The following TRPC5 variants were observed in gnomAD, a reference collection of about 807,000 sequenced individuals.
TRPC5 encodes short transient receptor potential channel 5.
In TRPC5, 9 loss-of-function variants were observed where a neutral mutation model predicts 56.5. The ratio of observed to expected loss-of-function variants is 0.16; its 90% confidence interval spans 0.10 to 0.28. TRPC5 has a LOEUF of 0.28. Among genes scored for constraint, TRPC5 ranks in the 10% least tolerant of loss-of-function variants. The pLI is 1.00. For missense variants in TRPC5, 469 were observed against 748.9 expected (o/e 0.63, Z 4.36); for synonymous variants, 282 against 278.5 (o/e 1.01, Z -0.13).
At chrX:111,991,539 G>C (rs1367955860) in intron 1 of TRPC5, among the ~76,000 whole-genome samples, 2 of 111,783 alleles carry the variant, frequency 1.8e-5, no homozygotes, top group African/African-American at 3.3e-5. Flanking sequence ...CTCCCACTTA[G>C]AGTGAAAATG....
chrX:111,937,958 T>C (rs1365424177), intron 2 of TRPC5, among the ~76,000 whole-genome samples: 4,450 of 89,179 alleles, frequency 0.05, 102 homozygotes, highest in Non-Finnish European at 0.056. Flanking sequence ...TTTCACGATA[T>C]TGATTCTTCC....
chrX:112,003,859 G>C (rs183453842), intron 1 of TRPC5, among the ~76,000 whole-genome samples: 14 of 111,721 alleles, frequency 1.3e-4, no homozygotes, highest in African/African-American at 4.6e-4. Context: ...TGCAAAAATG[G>C]AGGGTTTCCC....
chrX:111,858,338 A>G (rs781042734), intron 3 of TRPC5, among the ~76,000 whole-genome samples: 36 of 111,372 alleles, frequency 3.2e-4, no homozygotes, highest in African/African-American at 1.2e-3. Flanking sequence ...AACTGTCCAG[A>G]GCCTGGAGCA....
intron 1 of TRPC5, among the ~76,000 whole-genome samples, chrX:112,020,193 A>G (rs1929236950): frequency 8.9e-6 from 1 of 111,816 alleles, no homozygotes; most frequent in Admixed American, 9.5e-5. Flanking sequence ...ATGCCCAGCA[A>G]TGCTAGTTGT....
chrX:112,006,042 T>C (rs191509005), intron 1 of TRPC5, among the ~76,000 whole-genome samples: 415 of 111,558 alleles, frequency 3.7e-3, no homozygotes, highest in Middle Eastern at 0.023. Context: ...TGAAACCCAG[T>C]TGGCAAATGT....
chrX:111,965,602 A>G (rs1180682427), intron 1 of TRPC5, among the ~76,000 whole-genome samples: 1 of 112,093 alleles, frequency 8.9e-6, no homozygotes, highest in East Asian at 2.8e-4. Flanking sequence ...AATGTAAAAG[A>G]ATAGAAATTA....
At chrX:111,854,228 G>T in intron 3 of TRPC5, 122 bp from the exon 4 acceptor site, 1 of 723,815 alleles carries the variant, frequency 1.4e-6, no homozygotes, top group Non-Finnish European at 2.0e-6. Context: ...CCCCAGAAGA[G>T]GCCTGTTTTC....
At chrX:111,784,259 C>T (rs1945942689) in intron 7 of TRPC5, among the ~76,000 whole-genome samples, 1 of 111,973 alleles carries the variant, frequency 8.9e-6, no homozygotes, top group Admixed American at 9.5e-5. Flanking sequence ...TTAGATATGA[C>T]ACCAGAAACC....
intron 7 of TRPC5, among the ~76,000 whole-genome samples, chrX:111,806,620 C>A (rs776163690): frequency 1.8e-5 from 2 of 111,792 alleles, no homozygotes; most frequent in South Asian, 7.5e-4. Context: ...TTGCCATATT[C>A]TTTTTCTTCT....
intron 3 of TRPC5, among the ~76,000 whole-genome samples, chrX:111,858,787 C>G (rs761098867): frequency 7.1e-4 from 80 of 111,975 alleles, no homozygotes; most frequent in African/African-American, 2.1e-3. Flanking sequence ...CCCTGCCTTC[C>G]TCTGTGCCCC....
chrX:112,055,301 G>T (rs1289608427), intron 1 of TRPC5, among the ~76,000 whole-genome samples: 1 of 111,927 alleles, frequency 8.9e-6, no homozygotes, highest in Non-Finnish European at 1.9e-5. Context: ...TGAGCTCTTT[G>T]TTAGCCACAT....
intron 3 of TRPC5, among the ~76,000 whole-genome samples, chrX:111,888,446 G>C (rs375708559): frequency 2.9e-5 from 3 of 105,110 alleles, no homozygotes; most frequent in African/African-American, 1.0e-4. Context: ...AGGCCGAGGC[G>C]GGCGGATCAC....
intron 7 of TRPC5, among the ~76,000 whole-genome samples, chrX:111,786,257 T>C (rs965659139): frequency 9.0e-6 from 1 of 111,440 alleles, no homozygotes; most frequent in Non-Finnish European, 1.9e-5. Flanking sequence ...TGGGGGCCAA[T>C]ATTCAACATT....
At chrX:111,863,661 T>G (rs1378782887) in intron 3 of TRPC5, among the ~76,000 whole-genome samples, 1 of 112,056 alleles carries the variant, frequency 8.9e-6, no homozygotes, top group Non-Finnish European at 1.9e-5. Context: ...TGAATAGAAG[T>G]GCTGTCAGTG....
intron 5 of TRPC5, among the ~76,000 whole-genome samples, chrX:111,851,180 G>T (rs1409706768): frequency 8.9e-6 from 1 of 112,246 alleles, no homozygotes; most frequent in Non-Finnish European, 1.9e-5. Flanking sequence ...AACTCCCAAG[G>T]TCTTAAAATT....
intron 3 of TRPC5, among the ~76,000 whole-genome samples, chrX:111,899,380 C>A (rs944758662): frequency 1.8e-5 from 2 of 110,926 alleles, no homozygotes; most frequent in Admixed American, 9.6e-5. Flanking sequence ...TTTGATGAAT[C>A]AAATATAATT....
intron 1 of TRPC5, among the ~76,000 whole-genome samples, chrX:112,010,012 C>T (rs1230511205): frequency 8.9e-6 from 1 of 111,858 alleles, no homozygotes; most frequent in African/African-American, 3.3e-5. Flanking sequence ...AATCGTACTT[C>T]AAGAGGTAGG....
At chrX:111,865,258 C>G (rs947877004) in intron 3 of TRPC5, among the ~76,000 whole-genome samples, 4 of 109,772 alleles carry the variant, frequency 3.6e-5, no homozygotes, top group Non-Finnish European at 5.7e-5. Flanking sequence ...TGGGCTCAAG[C>G]AATCCATTCA....
At chrX:111,876,619 C>A (rs181846862) in intron 3 of TRPC5, among the ~76,000 whole-genome samples, 6 of 111,531 alleles carry the variant, frequency 5.4e-5, no homozygotes, top group East Asian at 5.6e-4. Context: ...CCAGTGAATT[C>A]TCTCTCAAGT....
Sources: gnomAD v4.1 joint callset for allele counts (sites outside exome capture counted in the v4.1 genomes callset) on GRCh38, gnomAD v4.1.1 for gene constraint, MANE v1.5 for transcripts, NCBI Gene and HGNC (gene_info 2026-07-23, HGNC 2026-07-21) for gene names.